Variants in MPHOSPH6 observed in about 807,000 individuals in gnomAD.
MPHOSPH6 encodes the protein M-phase phosphoprotein 6.
Under a neutral mutation model 21.8 loss-of-function variants are expected in MPHOSPH6, and 25 were observed. The observed-to-expected ratio is 1.15, with a 90% CI of 0.83 to 1.60. The LOEUF is 1.60. MPHOSPH6 is among the 40% of genes most tolerant of loss of function. The pLI is 0.00. For synonymous variants in MPHOSPH6, 84 were observed against 56.5 expected, an observed-to-expected ratio of 1.49 and a Z score of -2.18; for missense variants, 269 against 181.8, an observed-to-expected ratio of 1.48 and a Z score of -2.76.
intron 3 of MPHOSPH6, 126 bp from the exon 4 acceptor site, chr16:82,149,529 G>A (rs1424722281): frequency 1.3e-6 from 1 of 783,690 alleles, no homozygotes; most frequent in Non-Finnish European, 2.2e-6. Context: ...AATTGATAAG[G>A]GACTCTCTGT....
At chr16:82,162,664 G>A (rs563303496) in intron 2 of MPHOSPH6, among the ~76,000 whole-genome samples, 14 of 152,272 alleles carry the variant, frequency 9.2e-5, no homozygotes, top group South Asian at 2.1e-4. Context: ...GCACTGCCCC[G>A]AGGGGCCCCC....
chr16:82,161,940 C>G (rs1318350754), intron 2 of MPHOSPH6, among the ~76,000 whole-genome samples: 1 of 152,154 alleles, frequency 6.6e-6, no homozygotes, highest in African/African-American at 2.4e-5. Context: ...ACTTTCAGAG[C>G]ACAGACACAT....
At chr16:82,159,306 G>A (rs1906531443) in intron 2 of MPHOSPH6, among the ~76,000 whole-genome samples, 1 of 152,154 alleles carries the variant, frequency 6.6e-6, no homozygotes, top group Admixed American at 6.5e-5. Context: ...CATTAAAAAT[G>A]TGTTAGGTAA....
At chr16:82,151,615 A>G (rs1353651589) in intron 2 of MPHOSPH6, 101 bp from the exon 3 acceptor site, 6 of 1,353,930 alleles carry the variant, frequency 4.4e-6, no homozygotes, top group South Asian at 2.1e-5. Flanking sequence ...GGTTCTCAGT[A>G]GAATGAAGTA....
intron 1 of MPHOSPH6, among the ~76,000 whole-genome samples, chr16:82,167,813 G>T (rs1237144154): frequency 6.6e-6 from 1 of 152,282 alleles, no homozygotes; most frequent in South Asian, 2.1e-4. Context: ...TCGCTTGCCT[G>T]CCCGCTGCTC....
chr16:82,168,357 G>C (rs1454948378), intron 1 of MPHOSPH6, among the ~76,000 whole-genome samples: 2 of 152,040 alleles, frequency 1.3e-5, no homozygotes, highest in African/African-American at 4.8e-5. Context: ...GAAAGTGCTT[G>C]ACAAACTCTA....
intron 1 of MPHOSPH6, among the ~76,000 whole-genome samples, chr16:82,166,839 C>A (rs1906797966): frequency 6.6e-6 from 1 of 152,254 alleles, no homozygotes; most frequent in African/African-American, 2.4e-5. Flanking sequence ...TTTTGGTATA[C>A]AACAGCCATA....
intron 2 of MPHOSPH6, among the ~76,000 whole-genome samples, chr16:82,153,582 C>A (rs1377387530): frequency 2.6e-5 from 4 of 152,112 alleles, no homozygotes; most frequent in Admixed American, 6.5e-5. Context: ...ATGGTGGTGG[C>A]TGGAATATCT....
At chr16:82,168,917 T>A (rs1597167094) in intron 1 of MPHOSPH6, among the ~76,000 whole-genome samples, 1 of 152,186 alleles carries the variant, frequency 6.6e-6, no homozygotes, top group African/African-American at 2.4e-5. Flanking sequence ...AGAGCCAGGG[T>A]TCTGGAGCCA....
intron 3 of MPHOSPH6, among the ~76,000 whole-genome samples, chr16:82,150,356 CTCCT>C (rs1165203904): frequency 1.3e-5 from 2 of 152,162 alleles, no homozygotes; most frequent in African/African-American, 4.8e-5. Context: ...CCCAGCCCCT[CTCCT>C]TCTCAATCTG....
At position 82,148,570 on chromosome 16, in the gene MPHOSPH6, C is replaced by T. The variant is rs1403383917; in HGVS notation, c.*161G>A. On this transcript the variant is annotated 3_prime_UTR_variant, in exon 5 of 5. Coordinates refer to ENST00000258169, the MANE Select transcript of MPHOSPH6 (RefSeq NM_005792.2). ...CAAGAAGCAAAGGATGTACAACATCCATCACACATCTGTTTCAAAAACAGC... is the reference window on the plus strand; with the variant it reads ...CAAGAAGCAAAGGATGTACAACATCTATCACACATCTGTTTCAAAAACAGC... The T allele has an allele frequency of 1.2e-6, 1 of 856,226 alleles. No homozygotes were observed. Among genetic ancestry groups the T allele is most frequent in the African/African-American group, 1.7e-5 (1 of 59,590 alleles). The allele number at this position is 856,226 out of a possible 1,614,324, so 53.0% of individuals were successfully genotyped here.
At chr16:82,163,071 T>C (rs2967352) in intron 2 of MPHOSPH6, among the ~76,000 whole-genome samples, 127,924 of 152,192 alleles carry the variant, frequency 0.84, 54,156 homozygotes, top group African/African-American at 0.94. Flanking sequence ...AAGTACCTTC[T>C]CCCGATCCCT....
chr16:82,149,204 G>GGACT, intron 4 of MPHOSPH6, 105 bp downstream of exon 4: 1 of 1,166,738 alleles, frequency 8.6e-7, no homozygotes, highest in South Asian at 1.2e-5. Context: ...TCCTACTGGG[G>GGACT]GACTCCCTTG....
At chr16:82,166,366 G>T (rs12597010) in intron 1 of MPHOSPH6, among the ~76,000 whole-genome samples, 1 of 152,016 alleles carries the variant, frequency 6.6e-6, no homozygotes, top group Non-Finnish European at 1.5e-5. Context: ...TTGCCTTTGC[G>T]ACTTAACACG....
At chr16:82,155,504 C>G (rs1255870796) in intron 2 of MPHOSPH6, among the ~76,000 whole-genome samples, 2 of 152,172 alleles carry the variant, frequency 1.3e-5, no homozygotes, top group African/African-American at 4.8e-5. Context: ...CACACCCCTC[C>G]ACCCCATACA....
chr16:82,152,201 A>G (rs1242230120), intron 2 of MPHOSPH6, among the ~76,000 whole-genome samples: 6 of 152,156 alleles, frequency 3.9e-5, no homozygotes, highest in African/African-American at 1.4e-4. Context: ...GCACTTATAC[A>G]CAGATTTTTT....
chr16:82,162,807 C>T lies in MPHOSPH6; in HGVS notation c.164+1275G>A, dbSNP rs552227026. ...GTAATGGCAAAAAGGCATTATTTAC[C>T]TTCCCAGAAAGAAATGTAAAGGTCA... On this transcript the variant is annotated intron_variant, in intron 2 of 4. Coordinates refer to ENST00000258169, the MANE Select transcript of MPHOSPH6 (RefSeq NM_005792.2). 3.9e-5 allele frequency among the ~76,000 whole-genome samples: 6 copies of T among 152,312 alleles called. No homozygotes were observed. In the South Asian group the frequency reaches 1.2e-3, roughly 32 times the overall value.
chr16:82,155,828 C>T (rs1567613087), intron 2 of MPHOSPH6, among the ~76,000 whole-genome samples: 4 of 152,054 alleles, frequency 2.6e-5, no homozygotes, highest in African/African-American at 9.6e-5. Flanking sequence ...TCGCCTGAAC[C>T]CGGGAGGTGG....
intron 1 of MPHOSPH6, among the ~76,000 whole-genome samples, chr16:82,165,668 G>A (rs886652649): frequency 3.3e-5 from 2 of 59,762 alleles, no homozygotes; most frequent in Non-Finnish European, 4.6e-5. Flanking sequence ...TAGATACACA[G>A]ACACCACTGT....
Sources: gnomAD v4.1 joint callset for allele counts (sites outside exome capture counted in the v4.1 genomes callset) on GRCh38, gnomAD v4.1.1 for gene constraint, MANE v1.5 for transcripts, NCBI Gene and HGNC (gene_info 2026-07-23, HGNC 2026-07-21) for gene names.